Variants in CAMTA1 observed in about 807,000 individuals in gnomAD.
CAMTA1 encodes calmodulin-binding transcription activator 1.
Under a neutral mutation model 170.9 loss-of-function variants are expected in CAMTA1, and 27 were observed. The ratio of observed to expected loss-of-function variants is 0.16; its 90% CI spans 0.12 to 0.22. The LOEUF is 0.22. Among genes scored for constraint, CAMTA1 ranks in the 10% least tolerant of loss-of-function variants. The pLI is 1.00. For missense variants in CAMTA1, 1,619 were observed against 2,217.2 expected (o/e 0.73, Z 5.42); for synonymous variants, 833 against 891.5 (o/e 0.93, Z 1.17).
intron 5 of CAMTA1, among the ~76,000 whole-genome samples, chr1:7,271,031 AT>A (rs1437954055): frequency 4.6e-5 from 7 of 152,220 alleles, no homozygotes; most frequent in Admixed American, 4.6e-4. Flanking sequence ...GGAAAGTATT[AT>A]GGACTGGATG....
chr1:7,028,185 G>A (rs544130752), intron 3 of CAMTA1, among the ~76,000 whole-genome samples: 5 of 152,166 alleles, frequency 3.3e-5, no homozygotes, highest in African/African-American at 1.2e-4. Context: ...GATTACAGGC[G>A]TGTGCCACTG....
At chr1:7,303,121 G>A (rs1675037314) in intron 5 of CAMTA1, among the ~76,000 whole-genome samples, 1 of 152,120 alleles carries the variant, frequency 6.6e-6, no homozygotes, top group African/African-American at 2.4e-5. Context: ...TTAGAGTGGT[G>A]CCTGGCATAC....
intron 5 of CAMTA1, among the ~76,000 whole-genome samples, chr1:7,332,520 CTGTT>C (rs2083095714): frequency 6.6e-6 from 1 of 152,210 alleles, no homozygotes; most frequent in Non-Finnish European, 1.5e-5. Flanking sequence ...AGAGTCCTGT[CTGTT>C]GTCTATTCAC....
chr1:7,501,434 G>A (rs980419541), intron 6 of CAMTA1, among the ~76,000 whole-genome samples: 9 of 152,194 alleles, frequency 5.9e-5, no homozygotes, highest in Admixed American at 2.6e-4. Context: ...GAGAATGCTC[G>A]CCAAAGACAT....
intron 1 of CAMTA1, among the ~76,000 whole-genome samples, chr1:6,815,188 G>T (rs1482716062): frequency 1.3e-5 from 2 of 151,358 alleles, no homozygotes; most frequent in African/African-American, 4.9e-5. Flanking sequence ...ATAGAGCTCT[G>T]CATCTCTCCT....
chr1:7,267,169 A>G (rs1432787972), intron 5 of CAMTA1, among the ~76,000 whole-genome samples: 1 of 152,204 alleles, frequency 6.6e-6, no homozygotes. Context: ...CCTATTTAAA[A>G]GTGCCATGAT....
chr1:7,031,453 T>A (rs911088223), intron 3 of CAMTA1, among the ~76,000 whole-genome samples: 6 of 152,226 alleles, frequency 3.9e-5, no homozygotes, highest in Non-Finnish European at 8.8e-5. Context: ...ATTCTTTTAG[T>A]TTTAACTTAT....
At chr1:6,791,106 CCT>C (rs1305347148) in intron 1 of CAMTA1, among the ~76,000 whole-genome samples, 1 of 133,438 alleles carries the variant, frequency 7.5e-6, no homozygotes, top group East Asian at 2.0e-4. Context: ...AATCATGTAC[CCT>C]GTCCTTTTTT....
chr1:6,786,398 C>T (rs1639374539), intron 1 of CAMTA1, among the ~76,000 whole-genome samples: 1 of 152,148 alleles, frequency 6.6e-6, no homozygotes, highest in Non-Finnish European at 1.5e-5. Context: ...CTCCCTTGCC[C>T]TTTACCTTCC....
At chr1:7,406,669 G>A (rs938853402) in intron 5 of CAMTA1, among the ~76,000 whole-genome samples, 3 of 151,996 alleles carry the variant, frequency 2.0e-5, no homozygotes, top group Non-Finnish European at 4.4e-5. Flanking sequence ...TGCACACAGA[G>A]AGATGCATAC....
chr1:7,151,308 C>T lies in CAMTA1; in HGVS notation c.302+59937C>T, dbSNP rs976946294. Among the ~76,000 whole-genome samples, 10 of 152,348 alleles carry T rather than the reference C, an allele frequency of 6.6e-5. No homozygotes were observed. The East Asian group carries it at 1.4e-3, about 21-fold the overall frequency. On this transcript the variant is annotated intron_variant, in intron 4 of 22. Coordinates refer to ENST00000303635, the MANE Select transcript of CAMTA1 (RefSeq NM_015215.4). ...AGCACCCGAGCCTAATTAACTGATG[C>T]GTGATTCTTCATTAGCATCTGGGCA...
intron 11 of CAMTA1, among the ~76,000 whole-genome samples, chr1:7,715,028 C>T (rs996331277): frequency 1.3e-5 from 2 of 152,186 alleles, no homozygotes; most frequent in Non-Finnish European, 2.9e-5. Flanking sequence ...AAACAGTTTT[C>T]CTGGAGCTTT....
At chr1:7,521,858 C>T (rs776140680) in intron 6 of CAMTA1, among the ~76,000 whole-genome samples, 2 of 152,188 alleles carry the variant, frequency 1.3e-5, no homozygotes, top group African/African-American at 2.4e-5. Context: ...ACAGTTCCTT[C>T]CTTTTTATTT....
chr1:7,346,070 G>A (rs142586945), intron 5 of CAMTA1, among the ~76,000 whole-genome samples: 2 of 152,322 alleles, frequency 1.3e-5, no homozygotes, highest in Non-Finnish European at 2.9e-5. Flanking sequence ...CTAAAGAAAG[G>A]CTGGTTGCAT....
chr1:7,016,662 C>T (rs1223138111), intron 3 of CAMTA1, among the ~76,000 whole-genome samples: 4 of 152,086 alleles, frequency 2.6e-5, no homozygotes, highest in African/African-American at 9.7e-5. Context: ...GGGGAAACCC[C>T]ATCTCTACCA....
chr1:7,099,355 C>T (rs1402379101), intron 4 of CAMTA1, among the ~76,000 whole-genome samples: 1 of 152,160 alleles, frequency 6.6e-6, no homozygotes, highest in Non-Finnish European at 1.5e-5. Context: ...CCGGCCCTCC[C>T]TTCTTTTATT....
At position 7,565,756 on chromosome 1, in the gene CAMTA1, G is replaced by T. The variant is rs554729023; in HGVS notation, c.511-74644G>T. ...CCTCGTGTCTTAGTCTACTCAGGCT[G>T]CCATGACAAAATACCATAGACCGGG... is the stretch of plus-strand genomic sequence containing the variant. On this transcript the variant is annotated intron_variant, in intron 6 of 22. Coordinates refer to ENST00000303635, the MANE Select transcript of CAMTA1 (RefSeq NM_015215.4). The surrounding 1 kb of genome is among the most constrained non-coding windows in gnomAD (Gnocchi z 4.5). Among the ~76,000 whole-genome samples, 1 of 152,144 alleles carries T rather than the reference G, an allele frequency of 6.6e-6. No individual in the cohort carries two copies. The highest frequency in any genetic ancestry group is 1.5e-5 in the Non-Finnish European group (1 of 68,036).
chr1:7,540,135 A>G (rs2094592698), intron 6 of CAMTA1, among the ~76,000 whole-genome samples: 1 of 152,184 alleles, frequency 6.6e-6, no homozygotes, highest in Non-Finnish European at 1.5e-5. Context: ...CCACTCCAAG[A>G]ACAGTGCCTG....
chr1:7,047,905 T>C (rs1367178185), intron 3 of CAMTA1, among the ~76,000 whole-genome samples: 1 of 152,138 alleles, frequency 6.6e-6, no homozygotes, highest in Non-Finnish European at 1.5e-5. Context: ...GGGTTCTGTA[T>C]AAACCCTGAA....
Sources: gnomAD v4.1 joint callset for allele counts (sites outside exome capture counted in the v4.1 genomes callset) on GRCh38, gnomAD v4.1.1 for gene constraint, Gnocchi (gnomAD v3.1) non-coding constraint, MANE v1.5 for transcripts, NCBI Gene and HGNC (gene_info 2026-07-23, HGNC 2026-07-21) for gene names.